RNF24: variants seen among roughly 807,000 people sequenced by gnomAD.
RNF24 encodes ring finger protein 24.
In RNF24, 14 loss-of-function variants were observed where a neutral mutation model predicts 20.0. The ratio of observed to expected loss-of-function variants is 0.70; its 90% CI spans 0.46 to 1.10. RNF24 has a LOEUF of 1.10. Ranked by LOEUF, RNF24 falls within the 50% of genes least tolerant of loss-of-function variation. The probability of loss-of-function intolerance (pLI) is 0.00; values close to 1 mark genes in which losing one functional copy is unlikely to be tolerated. For synonymous variants in RNF24, 45 were observed against 61.1 expected (o/e 0.74, Z 1.23); for missense variants, 124 against 177.6 (o/e 0.70, Z 1.71).
intron 2 of RNF24, 32 bp downstream of exon 2, chr20:3,963,843 T>C (rs1202264291): frequency 6.7e-7 from 1 of 1,487,130 alleles, no homozygotes; most frequent in South Asian, 1.3e-5. Flanking sequence ...ATTTAACATA[T>C]TTTGAAGTAA....
intron 2 of RNF24, among the ~76,000 whole-genome samples, chr20:3,961,192 A>C (rs1029183810): frequency 6.6e-6 from 1 of 152,142 alleles, no homozygotes; most frequent in Admixed American, 6.5e-5. Context: ...GCTTGAGCCC[A>C]AGAGTTGGAG....
At chr20:4,014,045 G>C (rs1043127191) in intron 1 of RNF24, among the ~76,000 whole-genome samples, 1 of 152,222 alleles carries the variant, frequency 6.6e-6, no homozygotes, top group Non-Finnish European at 1.5e-5. Flanking sequence ...CAGGCAGGCA[G>C]TCTGACAGAG....
intron 3 of RNF24, 33 bp downstream of exon 3, chr20:3,948,204 A>T (rs1165566814): frequency 5.2e-6 from 8 of 1,539,964 alleles, no homozygotes; most frequent in Non-Finnish European, 7.0e-6. Context: ...GGGGAAAAAA[A>T]AAATCAAAGC....
intron 4 of RNF24, among the ~76,000 whole-genome samples, chr20:3,939,028 C>T (rs891471824): frequency 4.6e-5 from 7 of 151,936 alleles, no homozygotes; most frequent in Non-Finnish European, 2.9e-5. Context: ...GTTGGGATTA[C>T]AGGAGTGAGC....
chr20:3,944,485 C>T (rs2146954691), intron 4 of RNF24, among the ~76,000 whole-genome samples: 1 of 152,292 alleles, frequency 6.6e-6, no homozygotes, highest in South Asian at 2.1e-4. Context: ...CAACACACAG[C>T]TTTTCAAGTC....
chr20:4,011,134 G>A (rs1304369788), intron 1 of RNF24, among the ~76,000 whole-genome samples: 1 of 152,192 alleles, frequency 6.6e-6, no homozygotes, highest in African/African-American at 2.4e-5. Flanking sequence ...AAATCTTTCA[G>A]AGTGGGAAGA....
intron 2 of RNF24, among the ~76,000 whole-genome samples, chr20:3,957,998 C>T (rs1429917689): frequency 6.6e-6 from 1 of 152,138 alleles, no homozygotes; most frequent in Non-Finnish European, 1.5e-5. Context: ...CAAACCCTTG[C>T]CACTCTCTTT....
intron 3 of RNF24, among the ~76,000 whole-genome samples, chr20:3,946,449 T>C (rs2091018146): frequency 6.6e-6 from 1 of 150,544 alleles, no homozygotes; most frequent in South Asian, 2.1e-4. Flanking sequence ...AGCGAGACCC[T>C]GTCTCAAAAC....
intron 4 of RNF24, among the ~76,000 whole-genome samples, chr20:3,938,026 G>T (rs915128829): frequency 6.6e-6 from 1 of 152,144 alleles, no homozygotes; most frequent in Non-Finnish European, 1.5e-5. Flanking sequence ...TTTTTGAGGA[G>T]CTACCAAACC....
intron 1 of RNF24, among the ~76,000 whole-genome samples, chr20:3,984,236 TAAAAAAAAAA>T (rs556690597): frequency 6.7e-4 from 96 of 143,042 alleles, no homozygotes; most frequent in Admixed American, 1.9e-3. Context: ...CCCTGTCTCT[TAAAAAAAAAA>T]AAGAAAAGAA....
At chr20:3,941,240 C>T (rs1367071054) in intron 4 of RNF24, among the ~76,000 whole-genome samples, 1 of 152,100 alleles carries the variant, frequency 6.6e-6, no homozygotes, top group Non-Finnish European at 1.5e-5. Flanking sequence ...CCAGGCTGGT[C>T]TCGATCTTCT....
At chr20:4,011,842 G>A (rs186704367) in intron 1 of RNF24, among the ~76,000 whole-genome samples, 50 of 152,322 alleles carry the variant, frequency 3.3e-4, no homozygotes, top group Admixed American at 4.6e-4. Flanking sequence ...ATAGTTATGT[G>A]AGACAGTTAA....
chr20:4,005,691 T>C (rs549637414), intron 1 of RNF24, among the ~76,000 whole-genome samples: 1 of 152,178 alleles, frequency 6.6e-6, no homozygotes, highest in Non-Finnish European at 1.5e-5. Context: ...ATGCTCAGAT[T>C]TGGGAAGGAA....
At chr20:3,952,099 G>T (rs241646) in intron 2 of RNF24, among the ~76,000 whole-genome samples, 47,223 of 151,456 alleles carry the variant, frequency 0.31, 8,070 homozygotes, top group African/African-American at 0.46. Context: ...TTGAATGACT[G>T]GCTTGGTTAT....
rs776337540 is a variant in RNF24 at position 3,948,217 on chromosome 20, A to G, written c.186+20T>C. On this transcript the variant is annotated intron_variant, in intron 3 of 5. Transcript: ENST00000358395. ...GGGGGGAAAAAAAAAATCAAAGCCA[A>G]TCTGAATTAAATTTCTCACCTGTTT... 5.7e-6 allele frequency: 9 copies of G among 1,568,218 alleles called. No individual in the cohort carries two copies. The highest frequency in any genetic ancestry group is 2.0e-5 in the Admixed American group (1 of 49,986).
chr20:3,937,932 A>G (rs147246160), intron 4 of RNF24, among the ~76,000 whole-genome samples: 46 of 152,346 alleles, frequency 3.0e-4, no homozygotes, highest in African/African-American at 1.0e-3. Flanking sequence ...GTGTACAAGT[A>G]TCTGGCTGAG....
chr20:4,004,846 C>T (rs1981714714), intron 1 of RNF24, among the ~76,000 whole-genome samples: 2 of 152,182 alleles, frequency 1.3e-5, no homozygotes, highest in Non-Finnish European at 2.9e-5. Flanking sequence ...CTAATAAACC[C>T]CCTTTGCTCC....
intron 1 of RNF24, among the ~76,000 whole-genome samples, chr20:3,986,007 C>A (rs1979867857): frequency 6.6e-6 from 1 of 152,176 alleles, no homozygotes; most frequent in African/African-American, 2.4e-5. Flanking sequence ...CAGGCCTTGG[C>A]TTCCCAAAGT....
chr20:3,934,965 C>T lies in RNF24; in HGVS notation c.308+29G>A, dbSNP rs781612554. 1.8e-5 allele frequency: 29 copies of T among 1,591,584 alleles called. No homozygotes were observed. The East Asian group carries it at 6.3e-4, about 34-fold the overall frequency. ...GGTTGATGTGCCTCAAACTCGGGTC[C>T]CATTAAGTAATTCCATACCAATACT... On this transcript the variant is annotated intron_variant, in intron 5 of 5. Coordinates refer to ENST00000358395, the MANE Select transcript of RNF24 (RefSeq NM_001134337.3). This position sits in a 1 kb window ranked among gnomAD's most constrained non-coding sequence, Gnocchi z 4.0.
Sources: allele counts gnomAD v4.1 joint callset (sites outside exome capture counted in the v4.1 genomes callset), GRCh38; gene constraint gnomAD v4.1.1; non-coding constraint Gnocchi (gnomAD v3.1); transcripts MANE v1.5; gene names NCBI Gene and HGNC (gene_info 2026-07-23, HGNC 2026-07-21).